WDR27: variants seen among roughly 807,000 people sequenced by gnomAD.
The protein encoded by WDR27 is WD repeat-containing protein 27.
In WDR27, 100 loss-of-function variants were observed where a neutral mutation model predicts 114.4. That is an observed-to-expected ratio of 0.87 (90% CI 0.74 to 1.03). WDR27 has a LOEUF of 1.03. WDR27 is among the 50% of genes least tolerant of loss of function. The pLI, the probability that WDR27 is intolerant of heterozygous loss-of-function variation, is 0.00. For missense variants in WDR27, 1,129 were observed against 1,092.9 expected (o/e 1.03, Z -0.47); for synonymous variants, 449 against 423.1 (o/e 1.06, Z -0.75).
chr6:169,650,144 G>T (rs186778230), intron 14 of WDR27, among the ~76,000 whole-genome samples: 1 of 102,840 alleles, frequency 9.7e-6, no homozygotes, highest in Non-Finnish European at 1.9e-5. Context: ...TCTCAACTCC[G>T]CCCCTCTCCA....
chr6:169,554,878 G>C (rs934758708), intron 25 of WDR27, among the ~76,000 whole-genome samples: 2 of 152,084 alleles, frequency 1.3e-5, no homozygotes, highest in African/African-American at 4.8e-5. Flanking sequence ...TTGTTTTCTA[G>C]AATTCTGTGT....
At position 169,638,620 on chromosome 6, in the gene WDR27, G is replaced by A. The variant is rs780001673; in HGVS notation, c.1788C>T (p.Asp596=). The change falls in exon 18 of 26, where the codon GAC becomes GAT. Residue 596 remains aspartate, a synonymous_variant. Coordinates refer to ENST00000448612, the MANE Select transcript of WDR27 (RefSeq NM_182552.5). ...GAVNAVCWSQ[D]RRWLLSAARD... The stretch of plus-strand genomic sequence containing the variant: ...GGGCCGCAGAGAGCAGCCACCTCCG[G>A]TCCTGGCTCCAGCACACGGCATTCA... 2 of 1,607,696 alleles carry A rather than the reference G, an allele frequency of 1.2e-6. No individual in the cohort carries two copies. The highest frequency in any genetic ancestry group is 1.7e-6 in the Non-Finnish European group (2 of 1,177,210).
chr6:169,598,365 G>A (rs1052360660), intron 23 of WDR27, among the ~76,000 whole-genome samples: 1 of 152,162 alleles, frequency 6.6e-6, no homozygotes, highest in Non-Finnish European at 1.5e-5. Flanking sequence ...CCAGAATCTG[G>A]CAAGGCTTCC....
intron 3 of WDR27, 100 bp downstream of exon 3, chr6:169,672,155 G>A: frequency 7.9e-7 from 1 of 1,270,160 alleles, no homozygotes; most frequent in Non-Finnish European, 1.1e-6. Context: ...AGGGACTGCT[G>A]TTACCCAAGG....
At chr6:169,468,986 T>C (rs1018638034) in intron 25 of WDR27, among the ~76,000 whole-genome samples, 1 of 152,154 alleles carries the variant, frequency 6.6e-6, no homozygotes, top group African/African-American at 2.4e-5. Flanking sequence ...TCCAATCTTA[T>C]AGAATTAGGA....
chr6:169,512,540 G>A (rs924792254), intron 25 of WDR27, among the ~76,000 whole-genome samples: 2 of 152,140 alleles, frequency 1.3e-5, no homozygotes, highest in Admixed American at 6.6e-5. Context: ...AGGAGTCTAA[G>A]ATTAGCAAAG....
intron 25 of WDR27, among the ~76,000 whole-genome samples, chr6:169,518,776 T>C (rs558074613): frequency 1.3e-5 from 2 of 152,360 alleles, no homozygotes; most frequent in South Asian, 2.1e-4. Context: ...ATGCTTTTTC[T>C]TTCTCTGCCA....
chr6:169,597,966 T>C (rs565229122), intron 23 of WDR27, among the ~76,000 whole-genome samples: 1 of 151,952 alleles, frequency 6.6e-6, no homozygotes, highest in Non-Finnish European at 1.5e-5. Context: ...GTCTCTTTTT[T>C]TTTTTGTTTA....
intron 25 of WDR27, among the ~76,000 whole-genome samples, chr6:169,467,210 G>A (rs184705813): frequency 6.6e-6 from 1 of 152,296 alleles, no homozygotes; most frequent in East Asian, 1.9e-4. Flanking sequence ...TGTTTTCACG[G>A]GCTAGAACAG....
intron 23 of WDR27, among the ~76,000 whole-genome samples, chr6:169,583,997 C>T (rs563202484): frequency 7.1e-4 from 108 of 152,082 alleles, no homozygotes; most frequent in Non-Finnish European, 1.3e-3. Context: ...TCATGTTGCA[C>T]GTTAGATACC....
intron 24 of WDR27, among the ~76,000 whole-genome samples, chr6:169,580,752 T>A (rs1398088264): frequency 6.6e-6 from 1 of 151,988 alleles, no homozygotes; most frequent in East Asian, 1.9e-4. Context: ...ATACTATGTA[T>A]GAAAATAAAA....
chr6:169,617,455 A>G (rs906336937), intron 21 of WDR27, among the ~76,000 whole-genome samples: 1 of 152,150 alleles, frequency 6.6e-6, no homozygotes, highest in Non-Finnish European at 1.5e-5. Flanking sequence ...AGCTCACTGC[A>G]ACCTTCTCCT....
chr6:169,635,122 C>T (rs1284986579), intron 19 of WDR27, among the ~76,000 whole-genome samples: 1 of 152,040 alleles, frequency 6.6e-6, no homozygotes, highest in Non-Finnish European at 1.5e-5. Context: ...AATCCCAGCA[C>T]TTTGGGAGGC....
chr6:169,472,753 G>T (rs1258166477), intron 25 of WDR27, among the ~76,000 whole-genome samples: 1 of 152,146 alleles, frequency 6.6e-6, no homozygotes, highest in Non-Finnish European at 1.5e-5. Context: ...TCTGGAGGGA[G>T]AAATTAATTA....
intron 25 of WDR27, among the ~76,000 whole-genome samples, chr6:169,515,739 A>G (rs1345873249): frequency 2.0e-5 from 3 of 150,716 alleles, no homozygotes; most frequent in Non-Finnish European, 4.4e-5. Flanking sequence ...ATAAGCATAT[A>G]TTTTATTATA....
At chr6:169,485,515 C>G (rs1293812166) in intron 25 of WDR27, among the ~76,000 whole-genome samples, 1 of 152,118 alleles carries the variant, frequency 6.6e-6, no homozygotes, top group East Asian at 1.9e-4. Context: ...ATAACAGATG[C>G]TGGTGAGATT....
intron 2 of WDR27, among the ~76,000 whole-genome samples, chr6:169,675,634 C>G (rs902911307): frequency 2.0e-5 from 3 of 152,118 alleles, no homozygotes; most frequent in African/African-American, 7.2e-5. Flanking sequence ...CGGGACAACT[C>G]AAAGCGGGGG....
chr6:169,580,837 A>G (rs1224396586), intron 24 of WDR27, among the ~76,000 whole-genome samples: 2 of 151,536 alleles, frequency 1.3e-5, no homozygotes, highest in African/African-American at 4.8e-5. Flanking sequence ...AAGAAAGTGG[A>G]CTAATATCAG....
Position 169,659,568 on chromosome 6 carries a change from C to T in WDR27, c.1130-50G>A, listed in dbSNP as rs1825377706. 6.4e-7 allele frequency: 1 copy of T among 1,552,480 alleles called. No homozygotes were observed. The highest frequency in any genetic ancestry group is 1.2e-5 in the South Asian group (1 of 85,336). ...GAACATGATGGGGAGGGAGGTAGCA[C>T]ATACACACGGAGTCACTGCCCAGAG... is the stretch of plus-strand genomic sequence containing the variant. On this transcript the variant is annotated intron_variant, in intron 10 of 25. Transcript: ENST00000448612. This position sits in a 1 kb window ranked among gnomAD's most constrained non-coding sequence, Gnocchi z 4.3.
Sources: gnomAD v4.1 joint callset for allele counts (sites outside exome capture counted in the v4.1 genomes callset) on GRCh38, gnomAD v4.1.1 for gene constraint, Gnocchi (gnomAD v3.1) non-coding constraint, MANE v1.5 for transcripts, NCBI Gene and HGNC (gene_info 2026-07-23, HGNC 2026-07-21) for gene names.